Variants in PCDHA4 observed in about 807,000 individuals in gnomAD.
The protein encoded by PCDHA4 is protocadherin alpha 4.
Under a neutral mutation model 61.4 loss-of-function variants are expected in PCDHA4, and 49 were observed. The ratio of observed to expected loss-of-function variants is 0.80; its 90% confidence interval spans 0.63 to 1.01. The LOEUF (loss-of-function observed/expected upper bound fraction) is 1.01. PCDHA4 is among the 50% of genes least tolerant of loss of function. The pLI is 0.00. For missense variants in PCDHA4, 1,254 were observed against 1,235.8 expected (o/e 1.01, Z -0.22); for synonymous variants, 590 against 550.3 (o/e 1.07, Z -1.01).
chr5:140,978,842 T>A, intron 1 of PCDHA4, 107 bp from the exon 2 acceptor site: 1 of 1,564,670 alleles, frequency 6.4e-7, no homozygotes, highest in East Asian at 2.3e-5. Flanking sequence ...TTCAATACTT[T>A]TTTAGATGCC....
intron 1 of PCDHA4, chr5:140,882,621 AT>A (rs1447184799): frequency 1.2e-6 from 2 of 1,614,094 alleles, no homozygotes; most frequent in Non-Finnish European, 1.7e-6. Flanking sequence ...CAGGTTTTCC[AT>A]GTGGAGGTGA....
intron 1 of PCDHA4, among the ~76,000 whole-genome samples, chr5:140,947,710 A>G (rs2094165762): frequency 6.6e-6 from 1 of 151,556 alleles, no homozygotes; most frequent in African/African-American, 2.4e-5. Context: ...TTAAGTATTG[A>G]GGTTTCAAAA....
rs142005953 is a variant in PCDHA4, at chr5:140,843,471, T to C, written c.2385+33899T>C. 21 of 1,595,832 alleles carry C rather than the reference T, an allele frequency of 1.3e-5. 2 individuals are homozygous for C. In the African/African-American group the frequency reaches 1.7e-4, roughly 13 times the overall value. On this transcript the variant is annotated intron_variant, in intron 1 of 3. Coordinates refer to ENST00000530339, the MANE Select transcript of PCDHA4 (RefSeq NM_018907.4). ...AGCCTGCTGGTGCTCACGCTGCTGC[T>C]GTACACTGCGCTGCGGTGCTCAGCA...
intron 1 of PCDHA4, among the ~76,000 whole-genome samples, chr5:140,930,783 A>G (rs1211509868): frequency 6.6e-6 from 1 of 152,246 alleles, no homozygotes; most frequent in Non-Finnish European, 1.5e-5. Context: ...TATTTTCACA[A>G]TATAATAGAA....
chr5:140,926,967 A>G (rs782296182), intron 1 of PCDHA4: 4 of 1,606,666 alleles, frequency 2.5e-6, no homozygotes, highest in Middle Eastern at 1.7e-4. Context: ...TCGAGTACTC[A>G]GTGCCGGAGG....
chr5:140,816,757 T>TTG (rs2126674683), intron 1 of PCDHA4: 2 of 152,170 alleles, frequency 1.3e-5, no homozygotes, highest in Non-Finnish European at 2.9e-5. Context: ...TTCTATGGAC[T>TTG]TGTGTGTATA....
chr5:141,004,369 C>T (rs1239142670), intron 3 of PCDHA4, among the ~76,000 whole-genome samples: 1 of 152,324 alleles, frequency 6.6e-6, no homozygotes, highest in South Asian at 2.1e-4. Context: ...ACACCTTGTT[C>T]TGCTCTGCGG....
At position 140,879,431 on chromosome 5, in the gene PCDHA4, T is replaced by G. The variant is rs78313657; in HGVS notation, c.2385+69859T>G. 2.0e-5 allele frequency among the ~76,000 whole-genome samples: 3 copies of G among 152,202 alleles called. No homozygotes were observed. In the East Asian group the frequency reaches 5.8e-4, roughly 29 times the overall value. The stretch of plus-strand genomic sequence containing the variant: ...AGCAGGTAGGGAATGGAGATGAACA[T>G]TTAAGAAAATGTTACTTTGAAGTCC... On this transcript the variant is annotated intron_variant, in intron 1 of 3. Transcript: ENST00000530339.
At chr5:140,895,292 C>A (rs1032250917) in intron 1 of PCDHA4, among the ~76,000 whole-genome samples, 2 of 152,044 alleles carry the variant, frequency 1.3e-5, no homozygotes. Context: ...TTAGGACCTT[C>A]GATTTCCCCC....
At chr5:140,968,385 A>G (rs782234319) in intron 1 of PCDHA4, 11 of 1,613,904 alleles carry the variant, frequency 6.8e-6, no homozygotes, top group Non-Finnish European at 9.3e-6. Flanking sequence ...TTTGACTATG[A>G]GAAGTTTCGG....
chr5:140,879,468 C>T (rs1302590030), intron 1 of PCDHA4, among the ~76,000 whole-genome samples: 2 of 152,006 alleles, frequency 1.3e-5, no homozygotes, highest in African/African-American at 4.8e-5. Context: ...AAGAGAATAC[C>T]GTTGTGATTG....
rs570244920 is a variant in PCDHA4, at chr5:140,897,293, A to G, written c.2386-81656A>G. Reference sequence around the variant, plus strand: ...GGTGTGCTGCACCCATTAACTCGTCATTTAGCATTAGGTATATCTCCTAAA... The same window carrying G: ...GGTGTGCTGCACCCATTAACTCGTCGTTTAGCATTAGGTATATCTCCTAAA... On this transcript the variant is annotated intron_variant, in intron 1 of 3. Transcript: ENST00000530339. Among the ~76,000 whole-genome samples the G allele has an allele frequency of 1.2e-4, 18 of 149,820 alleles. No homozygotes were observed. In the South Asian group the frequency reaches 3.5e-3, roughly 29 times the overall value.
chr5:140,966,925 A>C (rs782069766), intron 1 of PCDHA4: 1 of 1,603,462 alleles, frequency 6.2e-7, no homozygotes, highest in Non-Finnish European at 8.5e-7. Context: ...AGGAGCAGGC[A>C]CCCGGCGCGC....
intron 3 of PCDHA4, among the ~76,000 whole-genome samples, chr5:140,989,263 A>G (rs2097334941): frequency 6.6e-6 from 1 of 152,146 alleles, no homozygotes; most frequent in South Asian, 2.1e-4. Flanking sequence ...GGGAGATTCA[A>G]GTTTCTGCTG....
At chr5:140,850,206 A>T in intron 1 of PCDHA4, 1 of 1,592,626 alleles carries the variant, frequency 6.3e-7, no homozygotes, top group South Asian at 1.1e-5. Flanking sequence ...ACCTCGGATG[A>T]GGGGCACTGA....
chr5:140,861,270 A>G (rs900401240), intron 1 of PCDHA4: 2 of 180,284 alleles, frequency 1.1e-5, no homozygotes, highest in South Asian at 1.2e-4. Flanking sequence ...AGCCTACAGC[A>G]CTGGCTTCTG....
chr5:140,861,346 C>T (rs2046871504), intron 1 of PCDHA4: 2 of 294,962 alleles, frequency 6.8e-6, no homozygotes, highest in South Asian at 3.7e-5. Context: ...AGGCCAAGGA[C>T]GGCACATAGC....
At position 140,928,256 on chromosome 5, in the gene PCDHA4, CT is replaced by C. The variant is rs1563103175; in HGVS notation, c.2386-50692del. 2.5e-6 allele frequency: 4 copies of C among 1,614,234 alleles called. No homozygotes were observed. The Admixed American group carries it at 6.7e-5, about 27-fold the overall frequency. On this transcript the variant is annotated intron_variant, in intron 1 of 3. Transcript: ENST00000530339. ...CAACCCCAGCAGGAACTTTTCGTTG[CT>C]GAAAACAATGGCCCTGGGGCCTCTC... is the stretch of plus-strand genomic sequence containing the variant.
intron 1 of PCDHA4, among the ~76,000 whole-genome samples, chr5:140,921,661 A>C (rs1554200347): frequency 1.3e-5 from 2 of 152,226 alleles, no homozygotes; most frequent in African/African-American, 4.8e-5. Context: ...CTTAATAAAA[A>C]TTTAACAGTT....
Sources: gnomAD v4.1 joint callset for allele counts (sites outside exome capture counted in the v4.1 genomes callset) on GRCh38, gnomAD v4.1.1 for gene constraint, MANE v1.5 for transcripts, NCBI Gene and HGNC (gene_info 2026-07-23, HGNC 2026-07-21) for gene names.